SAMD12: variants seen among roughly 807,000 people sequenced by gnomAD.
SAMD12 encodes the protein sterile alpha motif domain containing 12, also known as sterile alpha motif domain-containing protein 12.
A neutral mutation model predicts 15.0 loss-of-function variants in SAMD12; 9 were observed. That is an observed-to-expected ratio of 0.60 (90% CI 0.36 to 1.05). The LOEUF (loss-of-function observed/expected upper bound fraction) is 1.05, where lower values mean the gene tolerates loss of function less well. SAMD12 is among the 50% of genes least tolerant of loss of function. SAMD12 has a pLI of 0.01. For synonymous variants in SAMD12, 86 were observed against 90.1 expected (o/e 0.96, Z 0.25); for missense variants, 230 against 234.2 (o/e 0.98, Z 0.12).
intron 4 of SAMD12, among the ~76,000 whole-genome samples, chr8:118,315,796 C>G (rs569966723): frequency 1.3e-5 from 2 of 152,038 alleles, no homozygotes; most frequent in African/African-American, 4.8e-5. Flanking sequence ...GCTGAAGAAG[C>G]GTCCACCACT....
At chr8:118,403,316 A>G (rs1258088733) in intron 3 of SAMD12, among the ~76,000 whole-genome samples, 2 of 152,138 alleles carry the variant, frequency 1.3e-5, no homozygotes, top group African/African-American at 4.8e-5. Flanking sequence ...ATAAAGTCTG[A>G]TATACTTTTA....
At chr8:118,209,029 A>G (rs528157618) in intron 4 of SAMD12, among the ~76,000 whole-genome samples, 3 of 152,352 alleles carry the variant, frequency 2.0e-5, no homozygotes, top group Non-Finnish European at 4.4e-5. Context: ...TCTTGTTTAC[A>G]TAAACCTCTT....
intron 4 of SAMD12, among the ~76,000 whole-genome samples, chr8:118,308,164 A>G (rs759227309): frequency 6.6e-5 from 10 of 152,106 alleles, no homozygotes; most frequent in Non-Finnish European, 1.2e-4. Context: ...TCATTTCTTC[A>G]TTAAATTCTC....
At position 118,305,144 on chromosome 8, in the gene SAMD12, C is replaced by CAAAAAA. The variant is rs56200866; in HGVS notation, c.433+74410_433+74415dup. Among the ~76,000 whole-genome samples, 53 of 48,888 alleles carry CAAAAAA rather than the reference C, an allele frequency of 1.1e-3. 7 individuals are homozygous for CAAAAAA. Among genetic ancestry groups the CAAAAAA allele is most frequent in the Non-Finnish European group, 1.5e-3 (40 of 26,956 alleles). 32.1% of individuals were successfully genotyped at this position (48,888 alleles called of 152,430 possible). ...AGCCTGGGCAAAAGTGACTCCCTGT[C>CAAAAAA]AAAAAAAAAAAAAAAAAAAAAAAAA... On this transcript the variant is annotated intron_variant, in intron 4 of 4. Coordinates refer to the SAMD12 transcript ENST00000409003.
At position 118,482,463 on chromosome 8, in the gene SAMD12, TA is replaced by T. The variant is rs757274928; in HGVS notation, c.193-42503del. On this transcript the variant is annotated intron_variant, in intron 2 of 3. Coordinates refer to ENST00000314727, the MANE Select transcript of SAMD12 (RefSeq NM_207506.3). ...TTCAACCAACCTTGGACGGGAAATA[TA>T]TATTTTTTTTAAATTGTGTCTGTAC... Among the ~76,000 whole-genome samples the T allele has an allele frequency of 8.2e-3, 1,189 of 145,034 alleles. 5 individuals are homozygous for T. Among genetic ancestry groups the T allele is most frequent in the Non-Finnish European group, 0.011 (738 of 64,282 alleles).
intron 1 of SAMD12, among the ~76,000 whole-genome samples, chr8:118,588,096 CTG>C (rs1827496520): frequency 6.6e-6 from 1 of 152,210 alleles, no homozygotes; most frequent in Non-Finnish European, 1.5e-5. Flanking sequence ...AGATGACACT[CTG>C]AAGACCTGAG....
the SAMD12 span, among the ~76,000 whole-genome samples, chr8:118,156,445 G>C: frequency 3.7e-4 from 57 of 152,224 alleles, no homozygotes; most frequent in East Asian, 5.2e-3. Flanking sequence ...TGTTTCAGTG[G>C]AGAAACACTA....
At chr8:118,447,800 A>G (rs1182651207) in intron 2 of SAMD12, among the ~76,000 whole-genome samples, 2 of 150,808 alleles carry the variant, frequency 1.3e-5, no homozygotes, top group African/African-American at 4.9e-5. Flanking sequence ...ATCTCGGCTC[A>G]CTTCAAGCTC....
At chr8:118,408,001 T>C (rs1007933846) in intron 3 of SAMD12, among the ~76,000 whole-genome samples, 1 of 152,172 alleles carries the variant, frequency 6.6e-6, no homozygotes, top group African/African-American at 2.4e-5. Context: ...GTTGAAACTT[T>C]ATCACAACCT....
At chr8:118,181,576 G>A in the SAMD12 span, among the ~76,000 whole-genome samples, 2 of 152,192 alleles carry the variant, frequency 1.3e-5, no homozygotes, top group African/African-American at 4.8e-5. Context: ...TCATGAGAGA[G>A]GGTCTCTTTC....
intron 1 of SAMD12, among the ~76,000 whole-genome samples, chr8:118,614,104 C>T (rs1308049806): frequency 6.6e-6 from 1 of 152,132 alleles, no homozygotes; most frequent in Non-Finnish European, 1.5e-5. Context: ...TTATGCCAGA[C>T]TGTAATATCA....
chr8:118,323,838 C>A (rs575141223), intron 4 of SAMD12, among the ~76,000 whole-genome samples: 2 of 152,082 alleles, frequency 1.3e-5, no homozygotes, highest in East Asian at 3.9e-4. Flanking sequence ...AAAAAAAAAT[C>A]TGTACAACAC....
chr8:118,229,485 C>A (rs1409063302), intron 4 of SAMD12, among the ~76,000 whole-genome samples: 1 of 152,062 alleles, frequency 6.6e-6, no homozygotes, highest in East Asian at 1.9e-4. Flanking sequence ...CTAACTAATG[C>A]GCACTTTGTT....
chr8:118,509,749 T>A (rs1450510334), intron 2 of SAMD12, among the ~76,000 whole-genome samples: 1 of 151,878 alleles, frequency 6.6e-6, no homozygotes, highest in Admixed American at 6.5e-5. Context: ...TACACATAAT[T>A]TAAGTGTTTA....
the SAMD12 span, among the ~76,000 whole-genome samples, chr8:118,132,523 C>T: frequency 6.6e-6 from 1 of 152,136 alleles, no homozygotes. Flanking sequence ...CCCACAACTG[C>T]TTCATAGTAG....
intron 4 of SAMD12, among the ~76,000 whole-genome samples, chr8:118,277,012 T>C (rs1813490863): frequency 1.3e-5 from 2 of 152,080 alleles, no homozygotes; most frequent in Admixed American, 1.3e-4. Flanking sequence ...AAGTCTCTCT[T>C]TCTCCAGTTT....
intron 4 of SAMD12, among the ~76,000 whole-genome samples, chr8:118,330,214 G>A (rs910576543): frequency 2.6e-5 from 4 of 152,202 alleles, no homozygotes; most frequent in African/African-American, 4.8e-5. Flanking sequence ...ATGTAGCTAC[G>A]TTGGATTTAA....
At chr8:118,544,755 C>G (rs1826077781) in intron 2 of SAMD12, among the ~76,000 whole-genome samples, 1 of 152,188 alleles carries the variant, frequency 6.6e-6, no homozygotes, top group African/African-American at 2.4e-5. Flanking sequence ...GTCAGTAGCT[C>G]TCATCTCACC....
chr8:118,536,851 C>T (rs56388205), intron 2 of SAMD12, among the ~76,000 whole-genome samples: 2 of 152,162 alleles, frequency 1.3e-5, no homozygotes, highest in Non-Finnish European at 2.9e-5. Flanking sequence ...TGTGTACTTA[C>T]TATTAACAGT....
Sources: allele counts gnomAD v4.1 joint callset (sites outside exome capture counted in the v4.1 genomes callset), GRCh38; gene constraint gnomAD v4.1.1; transcripts MANE v1.5; gene names NCBI Gene and HGNC (gene_info 2026-07-23, HGNC 2026-07-21).